CACNB4: variants seen among roughly 807,000 people sequenced by gnomAD.
The protein encoded by CACNB4 is calcium voltage-gated channel auxiliary subunit beta 4, also known as voltage-dependent L-type calcium channel subunit beta-4.
In CACNB4, 32 loss-of-function variants were observed where a neutral mutation model predicts 71.2. That is an observed-to-expected ratio of 0.45 (90% CI 0.34 to 0.60). The LOEUF is 0.60. Among genes scored for constraint, CACNB4 ranks in the 20% least tolerant of loss-of-function variants. The pLI is 0.01. For missense variants in CACNB4, 464 were observed against 647.9 expected (o/e 0.72, Z 3.08); for synonymous variants, 231 against 236.9 (o/e 0.97, Z 0.23).
At chr2:152,029,170 C>T (rs1011833436) in intron 2 of CACNB4, among the ~76,000 whole-genome samples, 2 of 151,970 alleles carry the variant, frequency 1.3e-5, no homozygotes, top group Admixed American at 6.6e-5. Flanking sequence ...GACACTAATC[C>T]CATGATGAGA....
At chr2:152,014,640 A>G (rs1193366528) in intron 2 of CACNB4, among the ~76,000 whole-genome samples, 1 of 151,738 alleles carries the variant, frequency 6.6e-6, no homozygotes, top group Admixed American at 6.6e-5. Context: ...GTGAGGCAGG[A>G]GAATCGCTTG....
intron 2 of CACNB4, chr2:151,974,063 C>A (rs368055628): frequency 2.8e-6 from 2 of 718,142 alleles, no homozygotes; most frequent in Non-Finnish European, 1.8e-6. Context: ...GAGGGCGCCT[C>A]GGAGCATCCT....
Position 151,839,191 on chromosome 2 carries a change from C to T in CACNB4, c.1491G>A (p.Gln497=). ...GGTTCCTATGGGGTTTGTAAGTGTC[C>T]TGGTATGAGTCAGGGTAATCTTCTT... ...LVEEDYPDSY[Q]DTYKPHRNRG... Residue 497 remains glutamine (Q), a synonymous_variant, in exon 14 of 14, where the codon CAG becomes CAA. Transcript: ENST00000539935. 1 of 1,613,530 alleles carries T rather than the reference C, an allele frequency of 6.2e-7. No homozygotes were observed. Among genetic ancestry groups the T allele is most frequent in the Non-Finnish European group, 8.5e-7 (1 of 1,179,544 alleles).
At chr2:151,848,227 G>A (rs1161412853) in intron 12 of CACNB4, among the ~76,000 whole-genome samples, 2 of 152,206 alleles carry the variant, frequency 1.3e-5, no homozygotes, top group African/African-American at 2.4e-5. Context: ...ATATACCCAA[G>A]TCCAGTGGCT....
intron 2 of CACNB4, among the ~76,000 whole-genome samples, chr2:152,093,641 G>C (rs575176219): frequency 1.3e-5 from 2 of 152,086 alleles, no homozygotes; most frequent in Admixed American, 6.6e-5. Context: ...CATATTATCC[G>C]GGAGCTCAAG....
At chr2:151,929,797 G>A (rs530399268) in intron 2 of CACNB4, among the ~76,000 whole-genome samples, 1 of 152,246 alleles carries the variant, frequency 6.6e-6, no homozygotes, top group South Asian at 2.1e-4. Flanking sequence ...AACAAAATAT[G>A]TAGAATACTT....
intron 2 of CACNB4, among the ~76,000 whole-genome samples, chr2:152,073,598 A>T (rs1686821739): frequency 6.6e-6 from 1 of 152,260 alleles, no homozygotes; most frequent in African/African-American, 2.4e-5. Context: ...CAGGTTAAGT[A>T]ATGTTAAGGG....
chr2:151,982,072 G>A (rs1449913740), intron 2 of CACNB4, among the ~76,000 whole-genome samples: 1 of 152,146 alleles, frequency 6.6e-6, no homozygotes, highest in Non-Finnish European at 1.5e-5. Context: ...TGAAGAAAAT[G>A]GAGGTTTGGG....
At position 151,918,479 on chromosome 2, in the gene CACNB4, C is replaced by A. The variant is rs539822712; in HGVS notation, c.148-35109G>T. ...AAGCTGGCTCAGCTAAACAAATGAA[C>A]AAAAAAATAGGCTGATACCAACCAC... is the stretch of plus-strand genomic sequence containing the variant. On this transcript the variant is annotated intron_variant, in intron 2 of 13. Transcript: ENST00000539935. Among the ~76,000 whole-genome samples, 609 of 152,178 alleles carry A rather than the reference C, an allele frequency of 4.0e-3. 4 individuals carry two copies. Among genetic ancestry groups the A allele is most frequent in the African/African-American group, 0.014 (571 of 41,532 alleles).
chr2:151,947,762 G>GC (rs1432090339), intron 2 of CACNB4, among the ~76,000 whole-genome samples: 2 of 152,142 alleles, frequency 1.3e-5, no homozygotes, highest in Non-Finnish European at 2.9e-5. Flanking sequence ...GCAGGCACCT[G>GC]CCCCGGAGCC....
intron 2 of CACNB4, among the ~76,000 whole-genome samples, chr2:151,904,624 T>C (rs1559966807): frequency 1.3e-5 from 2 of 150,938 alleles, no homozygotes; most frequent in Non-Finnish European, 2.9e-5. Context: ...AACCTCTACC[T>C]CCTGGGTTCA....
chr2:151,897,481 T>C (rs1441622834), intron 2 of CACNB4, among the ~76,000 whole-genome samples: 1 of 152,220 alleles, frequency 6.6e-6, no homozygotes, highest in Non-Finnish European at 1.5e-5. Flanking sequence ...AGAAGCCACG[T>C]CTGCTCATCA....
chr2:151,982,486 C>T (rs963910542), intron 2 of CACNB4, among the ~76,000 whole-genome samples: 7 of 152,018 alleles, frequency 4.6e-5, no homozygotes, highest in Non-Finnish European at 5.9e-5. Flanking sequence ...ACAAAAAAAT[C>T]AGCCAGGCGT....
Position 151,833,440 on chromosome 2 carries a change from C to T in CACNB4, c.*5679G>A, listed in dbSNP as rs2099834229. 1 of 152,022 alleles carries T rather than the reference C, an allele frequency of 6.6e-6. No homozygotes were observed. Among genetic ancestry groups the T allele is most frequent in the African/African-American group, 2.4e-5 (1 of 41,414 alleles). 9.4% of individuals were successfully genotyped at this position (152,022 alleles called of 1,614,324 possible). ...AAAAATACAAAAATCTCACACATGTCCAAAATTCAGAGGAGCCCTATGAGC... is the reference window on the plus strand; with the variant it reads ...AAAAATACAAAAATCTCACACATGTTCAAAATTCAGAGGAGCCCTATGAGC... On this transcript the variant is annotated 3_prime_UTR_variant, in exon 14 of 14. Transcript: ENST00000539935.
intron 10 of CACNB4, among the ~76,000 whole-genome samples, chr2:151,855,591 C>T (rs752374308): frequency 6.6e-6 from 1 of 152,128 alleles, no homozygotes; most frequent in Non-Finnish European, 1.5e-5. Flanking sequence ...TGAGATGGCT[C>T]TCTTAATTTG....
At chr2:151,947,099 C>A (rs1391421788) in intron 2 of CACNB4, among the ~76,000 whole-genome samples, 1 of 152,156 alleles carries the variant, frequency 6.6e-6, no homozygotes, top group Non-Finnish European at 1.5e-5. Context: ...GAAAAAGCAA[C>A]CCCATGAAAA....
At position 152,059,569 on chromosome 2, in the gene CACNB4, G is replaced by C. The variant is rs369674257; in HGVS notation, c.147+38761C>G. On this transcript the variant is annotated intron_variant, in intron 2 of 13. Coordinates refer to ENST00000539935, the MANE Select transcript of CACNB4 (RefSeq NM_000726.5). The stretch of plus-strand genomic sequence containing the variant: ...TTTGAAATGGCAACATTTATCCAAC[G>C]CCTGTATCCACATTGTATCTTGGAA... 9.2e-5 allele frequency among the ~76,000 whole-genome samples: 14 copies of C among 152,326 alleles called. No homozygotes were observed. The East Asian group carries it at 2.1e-3, about 23-fold the overall frequency.
chr2:152,057,077 G>C (rs1229929345), intron 2 of CACNB4, among the ~76,000 whole-genome samples: 2 of 152,066 alleles, frequency 1.3e-5, no homozygotes, highest in South Asian at 2.1e-4. Context: ...CAATACAAAA[G>C]ATAGTGATTG....
chr2:152,099,055 G>C (rs565377584), upstream of CACNB4: 116 of 1,403,596 alleles, frequency 8.3e-5, no homozygotes, highest in African/African-American at 1.6e-3. Context: ...GGTGGGCGGA[G>C]GGGGCTGGCC....
Sources: allele counts gnomAD v4.1 joint callset (sites outside exome capture counted in the v4.1 genomes callset), GRCh38; gene constraint gnomAD v4.1.1; transcripts MANE v1.5; gene names NCBI Gene and HGNC (gene_info 2026-07-23, HGNC 2026-07-21).